ELP4: variants seen among roughly 807,000 people sequenced by gnomAD.
ELP4 encodes elongator acetyltransferase complex subunit 4.
In ELP4, 51 loss-of-function variants were observed where a neutral mutation model predicts 48.9. The ratio of observed to expected loss-of-function variants is 1.04; its 90% CI spans 0.83 to 1.32. ELP4 has a LOEUF of 1.32. Among genes scored for constraint, ELP4 ranks in the 40% most tolerant of loss-of-function variants. The pLI, the probability that ELP4 is intolerant of heterozygous loss-of-function variation, is 0.00. For missense variants in ELP4, 519 were observed against 514.6 expected (o/e 1.01, Z -0.08); for synonymous variants, 210 against 189.2 (o/e 1.11, Z -0.90).
At chr11:31,709,129 T>C (rs181397079) in intron 9 of ELP4, among the ~76,000 whole-genome samples, 1 of 152,244 alleles carries the variant, frequency 6.6e-6, no homozygotes, top group Non-Finnish European at 1.5e-5. Context: ...TGAGTCAAAA[T>C]CATTTGAGTG....
At chr11:31,631,208 T>A (rs908554942) in intron 6 of ELP4, among the ~76,000 whole-genome samples, 1 of 152,172 alleles carries the variant, frequency 6.6e-6, no homozygotes, top group African/African-American at 2.4e-5. Flanking sequence ...ATAGATATAT[T>A]GTGTTAGACA....
intron 3 of ELP4, among the ~76,000 whole-genome samples, chr11:31,543,804 G>GT (rs1405686968): frequency 6.6e-6 from 1 of 152,092 alleles, no homozygotes; most frequent in African/African-American, 2.4e-5. Context: ...AGAAAAACAC[G>GT]TTATCAATTC....
intron 5 of ELP4, among the ~76,000 whole-genome samples, chr11:31,615,375 A>G (rs1258078819): frequency 6.6e-6 from 1 of 152,098 alleles, no homozygotes; most frequent in Admixed American, 6.6e-5. Flanking sequence ...CTACATCAAA[A>G]GAAATGTAAA....
At chr11:31,567,003 T>C (rs1300303396) in intron 3 of ELP4, among the ~76,000 whole-genome samples, 1 of 151,870 alleles carries the variant, frequency 6.6e-6, no homozygotes, top group East Asian at 1.9e-4. Flanking sequence ...TCTCTGTCAT[T>C]AATAGCACTG....
Position 31,647,860 on chromosome 11 carries a change from C to T in ELP4, c.1036+11C>T. Reference sequence around the variant, plus strand: ...ATAAGGATTATCATGGTAAGTACAACCTTCATAATGAGAAGAGCAGGAGCA... The same window carrying T: ...ATAAGGATTATCATGGTAAGTACAATCTTCATAATGAGAAGAGCAGGAGCA... On this transcript the variant is annotated intron_variant, in intron 8 of 9. Transcript: ENST00000640961. The T allele has an allele frequency of 2.0e-6, 3 of 1,488,918 alleles. No individual in the cohort carries two copies. Among genetic ancestry groups the T allele is most frequent in the Non-Finnish European group, 2.8e-6 (3 of 1,067,470 alleles). The allele number at this position is 1,488,918 out of a possible 1,614,324, so 92.2% of individuals were successfully genotyped here.
In ELP4 at chr11:31,591,427, G is replaced by A. The variant is rs1316998308; in HGVS notation, c.382-3343G>A. On this transcript the variant is annotated intron_variant, in intron 3 of 9. Coordinates refer to ENST00000640961, the MANE Select transcript of ELP4 (RefSeq NM_019040.5). Reference sequence around the variant, plus strand: ...TCTCAAAAAAAAAAAAAAAAAGGGGGGGGGGGGGTATAAAACCATGATAGA... The same window carrying A: ...TCTCAAAAAAAAAAAAAAAAAGGGGAGGGGGGGGTATAAAACCATGATAGA... Among the ~76,000 whole-genome samples, 931 of 96,364 alleles carry A rather than the reference G, an allele frequency of 9.7e-3. 13 individuals are homozygous for A. Among genetic ancestry groups the A allele is most frequent in the Non-Finnish European group, 0.018 (765 of 42,418 alleles). The allele number at this position is 96,364 out of a possible 152,430, so 63.2% of individuals were successfully genotyped here. A position where few individuals can be genotyped will look rare whatever the true frequency, so the allele number is the denominator to read the frequency against.
At chr11:31,622,005 G>A (rs1193733294) in intron 5 of ELP4, among the ~76,000 whole-genome samples, 2 of 151,750 alleles carry the variant, frequency 1.3e-5, no homozygotes, top group African/African-American at 4.8e-5. Context: ...CCATAAAATG[G>A]GGAGAATGAC....
In ELP4 at chr11:31,654,713, C is replaced by G. The variant is rs919197473; in HGVS notation, c.1143+4492C>G. 4.6e-5 allele frequency: 7 copies of G among 151,894 alleles called. No individual in the cohort carries two copies. The East Asian group carries it at 1.2e-3, about 25-fold the overall frequency. The allele number at this position is 151,894 out of a possible 1,614,324, so 9.4% of individuals were successfully genotyped here. Reference sequence around the variant, plus strand: ...TAATGTGTAATAATTTGGAGTATTTCATGATATGTTTGGTCCTAGGTTTAC... The same window carrying G: ...TAATGTGTAATAATTTGGAGTATTTGATGATATGTTTGGTCCTAGGTTTAC... On this transcript the variant is annotated intron_variant, in intron 9 of 9. Transcript: ENST00000640961.
intron 3 of ELP4, among the ~76,000 whole-genome samples, chr11:31,575,349 A>C (rs573846510): frequency 6.6e-6 from 1 of 152,320 alleles, no homozygotes; most frequent in African/African-American, 2.4e-5. Context: ...GAATGGAACC[A>C]AGTTGGAAAA....
chr11:31,698,538 G>A (rs935654662), intron 9 of ELP4, among the ~76,000 whole-genome samples: 15 of 151,970 alleles, frequency 9.9e-5, no homozygotes, highest in East Asian at 1.9e-4. Flanking sequence ...TTAGCCTCCC[G>A]AGTAGCTGGG....
intron 3 of ELP4, among the ~76,000 whole-genome samples, chr11:31,544,880 C>T (rs1447522955): frequency 1.3e-5 from 2 of 152,282 alleles, no homozygotes; most frequent in South Asian, 2.1e-4. Flanking sequence ...GCTGCTAATA[C>T]CCAGGCAAAC....
At chr11:31,782,737 C>T (rs1044484583) in intron 9 of ELP4, among the ~76,000 whole-genome samples, 1 of 151,944 alleles carries the variant, frequency 6.6e-6, no homozygotes, top group Non-Finnish European at 1.5e-5. Context: ...AAACATGACC[C>T]AACATTATGC....
chr11:31,651,357 A>T (rs756130188), intron 9 of ELP4: 1 of 151,768 alleles, frequency 6.6e-6, no homozygotes, highest in Non-Finnish European at 1.5e-5. Context: ...TATTGAGAGC[A>T]GTTAATAGTT....
chr11:31,532,907 G>C (rs1012689871), intron 2 of ELP4, among the ~76,000 whole-genome samples: 1 of 151,500 alleles, frequency 6.6e-6, no homozygotes, highest in South Asian at 2.1e-4. Flanking sequence ...AAGTAGCTGA[G>C]ATTACAGGCG....
chr11:31,532,303 A>G (rs1956408336), intron 2 of ELP4, among the ~76,000 whole-genome samples: 1 of 152,248 alleles, frequency 6.6e-6, no homozygotes, highest in Non-Finnish European at 1.5e-5. Flanking sequence ...TTTGCTAAGT[A>G]CTATGTCTAG....
In ELP4 at chr11:31,785,364, A is replaced by T. The variant is rs966712411; in HGVS notation, c.*1840A>T. 7.6e-5 allele frequency: 14 copies of T among 184,908 alleles called. No individual in the cohort carries two copies. Among genetic ancestry groups the T allele is most frequent in the African/African-American group, 3.0e-4 (13 of 42,696 alleles). The allele number at this position is 184,908 out of a possible 1,614,324, so 11.5% of individuals were successfully genotyped here. A position where few individuals can be genotyped will look rare whatever the true frequency, so the allele number is the denominator to read the frequency against. On this transcript the variant is annotated 3_prime_UTR_variant, in exon 10 of 10. Transcript: ENST00000640961. ...TTTGACTTGCTGAAAAAGAGATACG[A>T]GGTCATCAGATATGTAAATTGCTTG...
intron 9 of ELP4, among the ~76,000 whole-genome samples, chr11:31,775,598 G>A (rs984173270): frequency 2.0e-5 from 3 of 152,108 alleles, no homozygotes; most frequent in Admixed American, 6.5e-5. Flanking sequence ...ACTTTCGGAG[G>A]CCAAGGCAGG....
intron 3 of ELP4, among the ~76,000 whole-genome samples, chr11:31,547,461 C>G (rs1357410581): frequency 6.6e-6 from 1 of 152,130 alleles, no homozygotes; most frequent in Non-Finnish European, 1.5e-5. Flanking sequence ...CTGAATAGAC[C>G]AACAACAGGA....
rs558417071 is a variant in ELP4, at chr11:31,611,027, C to G, written c.653+7120C>G. Among the ~76,000 whole-genome samples the G allele has an allele frequency of 1.4e-4, 21 of 152,310 alleles. No homozygotes were observed. In the South Asian group the frequency reaches 4.1e-3, roughly 30 times the overall value. On this transcript the variant is annotated intron_variant, in intron 5 of 9. Coordinates refer to ENST00000640961, the MANE Select transcript of ELP4 (RefSeq NM_019040.5). ...ACCACTTTTGCAACCTTCAACTTTA[C>G]ATGCTAGCCTACATTACCCACATTT...
Sources: allele counts gnomAD v4.1 joint callset (sites outside exome capture counted in the v4.1 genomes callset), GRCh38; gene constraint gnomAD v4.1.1; transcripts MANE v1.5; gene names NCBI Gene and HGNC (gene_info 2026-07-23, HGNC 2026-07-21).